The following SLC26A7 variants were observed in gnomAD, a reference collection of about 807,000 sequenced individuals.
The protein encoded by SLC26A7 is solute carrier family 26 member 7.
In SLC26A7, 59 loss-of-function variants were observed where a neutral mutation model predicts 82.5. The ratio of observed to expected loss-of-function variants is 0.72; its 90% CI spans 0.58 to 0.89. The LOEUF is 0.89. Ranked by LOEUF, SLC26A7 falls within the 40% of genes least tolerant of loss-of-function variation. The pLI is 0.00. For synonymous variants in SLC26A7, 271 were observed against 274.3 expected, an observed-to-expected ratio of 0.99 and a Z score of 0.12; for missense variants, 820 against 793.0, an observed-to-expected ratio of 1.03 and a Z score of -0.41.
chr8:91,393,466 A>G (rs1399291802), intron 16 of SLC26A7, among the ~76,000 whole-genome samples: 1 of 152,142 alleles, frequency 6.6e-6, no homozygotes, highest in Non-Finnish European at 1.5e-5. Context: ...ACTTTCACAA[A>G]TGGGTCCTTG....
At chr8:91,379,045 C>T (rs1814596861) in intron 15 of SLC26A7, among the ~76,000 whole-genome samples, 1 of 151,286 alleles carries the variant, frequency 6.6e-6, no homozygotes, top group Non-Finnish European at 1.5e-5. Context: ...ATAAAAGCTA[C>T]CATTTACAGT....
At chr8:91,221,625 G>T (rs1010017695) in intron 2 of SLC26A7, among the ~76,000 whole-genome samples, 1 of 152,188 alleles carries the variant, frequency 6.6e-6, no homozygotes, top group East Asian at 1.9e-4. Context: ...TTACTGAATA[G>T]GAGATCTTGC....
At chr8:91,390,530 T>C (rs1189150138) in intron 16 of SLC26A7, among the ~76,000 whole-genome samples, 2 of 152,150 alleles carry the variant, frequency 1.3e-5, no homozygotes, top group Non-Finnish European at 2.9e-5. Flanking sequence ...CAGCATCTGT[T>C]CTTTGGTTTC....
intron 4 of SLC26A7, among the ~76,000 whole-genome samples, chr8:91,304,720 T>C (rs1464678195): frequency 1.3e-5 from 2 of 152,196 alleles, no homozygotes; most frequent in African/African-American, 4.8e-5. Context: ...GCAAGGAAAC[T>C]TAATCCATCT....
At chr8:91,334,164 C>T in intron 5 of SLC26A7, 131 bp from the exon 6 acceptor site, 1 of 807,512 alleles carries the variant, frequency 1.2e-6, no homozygotes, top group Non-Finnish European at 1.9e-6. Context: ...ACCCGCCTAC[C>T]TATATCTTTC....
At chr8:91,271,845 C>T (rs1337566886) in intron 2 of SLC26A7, among the ~76,000 whole-genome samples, 1 of 152,130 alleles carries the variant, frequency 6.6e-6, no homozygotes, top group African/African-American at 2.4e-5. Context: ...CCGCCTGCCT[C>T]GGCCTCTCAA....
At chr8:91,345,434 C>A (rs1454854680) in intron 9 of SLC26A7, among the ~76,000 whole-genome samples, 2 of 152,146 alleles carry the variant, frequency 1.3e-5, no homozygotes, top group Admixed American at 1.3e-4. Flanking sequence ...CATAAGTAGA[C>A]TTGCCTATTA....
At chr8:91,286,753 G>A (rs1811722500) in intron 2 of SLC26A7, among the ~76,000 whole-genome samples, 1 of 152,090 alleles carries the variant, frequency 6.6e-6, no homozygotes, top group Non-Finnish European at 1.5e-5. Flanking sequence ...ATTTTGGGGG[G>A]ACTTAACATA....
At chr8:91,273,318 T>C (rs1466490818) in intron 2 of SLC26A7, among the ~76,000 whole-genome samples, 3 of 152,116 alleles carry the variant, frequency 2.0e-5, no homozygotes, top group African/African-American at 4.8e-5. Context: ...GATGTATATA[T>C]TGTGGTCATG....
upstream of SLC26A7, among the ~76,000 whole-genome samples, chr8:91,245,066 T>G (rs1315485410): frequency 1.3e-5 from 2 of 152,230 alleles, no homozygotes; most frequent in Non-Finnish European, 2.9e-5. Context: ...TGTTCAGGAC[T>G]GTAATTAACT....
At chr8:91,229,589 A>G (rs538934594) in intron 2 of SLC26A7, among the ~76,000 whole-genome samples, 66 of 152,288 alleles carry the variant, frequency 4.3e-4, no homozygotes, top group African/African-American at 1.5e-3. Context: ...ACATCAGTAT[A>G]TTTCCCTTCT....
chr8:91,344,137 G>T, intron 9 of SLC26A7: 1 of 985,356 alleles, frequency 1.0e-6, no homozygotes, highest in Non-Finnish European at 1.2e-6. Context: ...TCATACTTTT[G>T]TTATAAATGA....
In SLC26A7 at chr8:91,289,141, G is replaced by C. The variant is rs1811792851; in HGVS notation, c.199G>C (p.Ala67Pro). 6.2e-7 allele frequency: 1 copy of C among 1,612,226 alleles called. No homozygotes were observed. Among genetic ancestry groups the C allele is most frequent in the East Asian group, 2.2e-5 (1 of 44,834 alleles). Residue 67 changes from alanine (A) to proline (P), a missense_variant, in exon 3 of 19, where the codon GCC (alanine) becomes CCC (proline). Transcript: ENST00000276609. ...LAVQQVTQGL[A>P]FAVLSSVHPV... ...TACCCTAGTCTTCTTCACAGGATTGGCCTTTGCTGTTCTCTCATCTGTGCA... is the reference window on the plus strand; with the variant it reads ...TACCCTAGTCTTCTTCACAGGATTGCCCTTTGCTGTTCTCTCATCTGTGCA...
chr8:91,270,579 AT>A (rs1342478897), intron 2 of SLC26A7, among the ~76,000 whole-genome samples: 1 of 152,120 alleles, frequency 6.6e-6, no homozygotes, highest in Non-Finnish European at 1.5e-5. Context: ...TCAGGTGGTT[AT>A]TTTTTAAAGC....
At chr8:91,377,495 G>T (rs148993640) in intron 15 of SLC26A7, among the ~76,000 whole-genome samples, 115 of 152,304 alleles carry the variant, frequency 7.6e-4, no homozygotes, top group African/African-American at 2.4e-3. Flanking sequence ...GTCTGGTGGC[G>T]CAGTGACTCA....
chr8:91,251,485 A>G (rs1810655069), intron 2 of SLC26A7, among the ~76,000 whole-genome samples: 1 of 152,060 alleles, frequency 6.6e-6, no homozygotes, highest in Admixed American at 6.6e-5. Flanking sequence ...GAAATTTAAG[A>G]CTAATTATTT....
chr8:91,370,323 T>C (rs892036598), intron 15 of SLC26A7, among the ~76,000 whole-genome samples: 9 of 151,768 alleles, frequency 5.9e-5, no homozygotes, highest in African/African-American at 1.7e-4. Flanking sequence ...TTTCCCTCTC[T>C]TTCTTCTTCC....
intron 9 of SLC26A7, among the ~76,000 whole-genome samples, chr8:91,350,686 T>C (rs996054492): frequency 6.6e-6 from 1 of 152,278 alleles, no homozygotes; most frequent in Non-Finnish European, 1.5e-5. Flanking sequence ...TGCTGAGTTG[T>C]ATTTTAATGT....
intron 15 of SLC26A7, among the ~76,000 whole-genome samples, chr8:91,373,115 A>G (rs1482888313): frequency 6.6e-6 from 1 of 151,820 alleles, no homozygotes; most frequent in Non-Finnish European, 1.5e-5. Flanking sequence ...AGTTCCAGAA[A>G]CCTTTTGGTA....
Sources: gnomAD v4.1 joint callset for allele counts (sites outside exome capture counted in the v4.1 genomes callset) on GRCh38, gnomAD v4.1.1 for gene constraint, MANE v1.5 for transcripts, NCBI Gene and HGNC (gene_info 2026-07-23, HGNC 2026-07-21) for gene names.